Variants in LINGO2 observed in about 807,000 individuals in gnomAD.
LINGO2 encodes leucine rich repeat and Ig domain containing 2, also known as leucine-rich repeat and immunoglobulin-like domain-containing nogo receptor-interacting protein 2.
Under a neutral mutation model 30.6 loss-of-function variants are expected in LINGO2, and 14 were observed. The observed-to-expected ratio is 0.46, with a 90% CI of 0.30 to 0.72. The LOEUF (loss-of-function observed/expected upper bound fraction) is 0.72. Ranked by LOEUF, LINGO2 falls within the 30% of genes least tolerant of loss-of-function variation. LINGO2 has a pLI of 0.07. For missense variants in LINGO2, 729 were observed against 751.7 expected (o/e 0.97, Z 0.35); for synonymous variants, 317 against 288.5 (o/e 1.10, Z -1.00).
the LINGO2 span, among the ~76,000 whole-genome samples, chr9:28,724,148 C>A: frequency 6.6e-6 from 1 of 152,116 alleles, no homozygotes; most frequent in African/African-American, 2.4e-5. Flanking sequence ...CACTGGGCCT[C>A]AACTTTCCAT....
chr9:28,756,885 A>G, the LINGO2 span, among the ~76,000 whole-genome samples: 143,333 of 151,802 alleles, frequency 0.94, 67,822 homozygotes, highest in Non-Finnish European at 0.98. Flanking sequence ...TCGAATAAAT[A>G]ACCTAGTCTT....
At chr9:28,494,933 C>T (rs1382003866) in intron 1 of LINGO2, among the ~76,000 whole-genome samples, 1 of 152,206 alleles carries the variant, frequency 6.6e-6, no homozygotes, top group Admixed American at 6.5e-5. Flanking sequence ...GATGGTATCA[C>T]ACTGTGGTTT....
chr9:28,820,034 A>C, the LINGO2 span, among the ~76,000 whole-genome samples: 1 of 152,208 alleles, frequency 6.6e-6, no homozygotes, highest in African/African-American at 2.4e-5. Context: ...TAGATTATTC[A>C]TCTACAGGGA....
intron 4 of LINGO2, among the ~76,000 whole-genome samples, chr9:28,101,913 T>C (rs1181412483): frequency 3.3e-5 from 5 of 152,090 alleles, no homozygotes; most frequent in Non-Finnish European, 5.9e-5. Flanking sequence ...CTGGGATAAT[T>C]TATTTTGACA....
chr9:28,124,204 C>T (rs1303098604), intron 4 of LINGO2, among the ~76,000 whole-genome samples: 2 of 152,158 alleles, frequency 1.3e-5, no homozygotes, highest in Admixed American at 6.5e-5. Context: ...ATTAACCCTG[C>T]TCACAGTTTA....
chr9:28,281,636 T>G (rs1214868188), intron 4 of LINGO2, among the ~76,000 whole-genome samples: 3 of 152,030 alleles, frequency 2.0e-5, no homozygotes, highest in Non-Finnish European at 4.4e-5. Context: ...GACCTTAAGA[T>G]GTTTATATAG....
chr9:27,963,924 G>A (rs2118627802), intron 5 of LINGO2, among the ~76,000 whole-genome samples: 1 of 152,176 alleles, frequency 6.6e-6, no homozygotes, highest in East Asian at 1.9e-4. Context: ...ATTTTAGTAT[G>A]AGCAAGTCTG....
intron 2 of LINGO2, among the ~76,000 whole-genome samples, chr9:28,425,035 G>A (rs1823347693): frequency 6.6e-6 from 1 of 151,820 alleles, no homozygotes; most frequent in South Asian, 2.1e-4. Flanking sequence ...TGTACAGTAG[G>A]TCTTAAACGG....
At chr9:28,416,056 G>T (rs1011067132) in intron 2 of LINGO2, among the ~76,000 whole-genome samples, 1 of 152,040 alleles carries the variant, frequency 6.6e-6, no homozygotes, top group Non-Finnish European at 1.5e-5. Context: ...TAAAAAAACT[G>T]TAAAGATTGA....
intron 2 of LINGO2, among the ~76,000 whole-genome samples, chr9:28,434,360 A>G (rs192387138): frequency 5.9e-5 from 9 of 151,274 alleles, no homozygotes; most frequent in Admixed American, 3.9e-4. Flanking sequence ...AAAAAAAAAA[A>G]AGAGAGAAGA....
intron 4 of LINGO2, among the ~76,000 whole-genome samples, chr9:28,090,913 A>G (rs1393561100): frequency 6.6e-6 from 1 of 152,176 alleles, no homozygotes; most frequent in African/African-American, 2.4e-5. Context: ...ATTCTTATAC[A>G]CCAATAACAG....
chr9:28,960,009 G>GTGTT, the LINGO2 span, among the ~76,000 whole-genome samples: 1 of 152,038 alleles, frequency 6.6e-6, no homozygotes, highest in Non-Finnish European at 1.5e-5. Context: ...TTTAATGCTG[G>GTGTT]TGTTAAGATT....
rs899614405 is a variant in LINGO2 at position 28,190,422 on chromosome 9, C to G, written c.-87+104786G>C. Reference sequence around the variant, plus strand: ...CCACAAAAATTTACATGTTGAAATCCTAACCCCTAGTGTAATGGTATTAGG... The same window carrying G: ...CCACAAAAATTTACATGTTGAAATCGTAACCCCTAGTGTAATGGTATTAGG... On this transcript the variant is annotated intron_variant, in intron 4 of 5. Transcript: ENST00000379992. Among the ~76,000 whole-genome samples the G allele has an allele frequency of 2.0e-3, 299 of 152,190 alleles. 3 individuals are homozygous for G. Among genetic ancestry groups the G allele is most frequent in the Non-Finnish European group, 3.8e-4 (26 of 68,010 alleles).
At chr9:29,144,174 T>C in the LINGO2 span, among the ~76,000 whole-genome samples, 1 of 152,166 alleles carries the variant, frequency 6.6e-6, no homozygotes, top group Non-Finnish European at 1.5e-5. Flanking sequence ...ACTATAGCCT[T>C]GTAGTAGAGT....
At chr9:28,310,783 T>C (rs891226644) in intron 3 of LINGO2, among the ~76,000 whole-genome samples, 1 of 152,212 alleles carries the variant, frequency 6.6e-6, no homozygotes, top group Non-Finnish European at 1.5e-5. Flanking sequence ...GTATAAAGTT[T>C]AATTTGAAAA....
intron 5 of LINGO2, among the ~76,000 whole-genome samples, chr9:27,997,631 CA>C (rs2119101467): frequency 6.6e-6 from 1 of 152,332 alleles, no homozygotes; most frequent in East Asian, 1.9e-4. Flanking sequence ...ATGTGGCAGG[CA>C]ATTTGCTTTT....
At chr9:28,627,605 T>A (rs1826741050) in intron 1 of LINGO2, among the ~76,000 whole-genome samples, 1 of 152,098 alleles carries the variant, frequency 6.6e-6, no homozygotes, top group Non-Finnish European at 1.5e-5. Context: ...TGTTGCTTAT[T>A]GTTTAATGTC....
intron 2 of LINGO2, among the ~76,000 whole-genome samples, chr9:28,403,181 C>A (rs376314207): frequency 4.3e-4 from 66 of 152,162 alleles, no homozygotes; most frequent in African/African-American, 1.5e-3. Flanking sequence ...ACTTTTCCCA[C>A]TGGCTCTGTA....
At chr9:28,617,177 T>C (rs1187156292) in intron 1 of LINGO2, among the ~76,000 whole-genome samples, 1 of 152,156 alleles carries the variant, frequency 6.6e-6, no homozygotes, top group Non-Finnish European at 1.5e-5. Context: ...ACACCTTTCC[T>C]AAAGACAAAA....
Sources: allele counts gnomAD v4.1 joint callset (sites outside exome capture counted in the v4.1 genomes callset), GRCh38; gene constraint gnomAD v4.1.1; transcripts MANE v1.5; gene names NCBI Gene and HGNC (gene_info 2026-07-23, HGNC 2026-07-21).